ZNF469: variants seen among roughly 807,000 people sequenced by gnomAD.
The protein encoded by ZNF469 is zinc finger protein 469.
Under a neutral mutation model 1.0 loss-of-function variants are expected in ZNF469, and 1 was observed. The observed-to-expected ratio is 1.00, with a 90% CI of 0.35 to 4.73. ZNF469 has a LOEUF of 4.73. Among genes scored for constraint, ZNF469 ranks in the 30% most tolerant of loss-of-function variants. The probability of loss-of-function intolerance (pLI) is 0.16; values close to 1 mark genes in which losing one functional copy is unlikely to be tolerated. For synonymous variants in ZNF469, 2,703 were observed against 2,363.4 expected (o/e 1.14, Z -4.17); for missense variants, 6,100 against 5,356.3 (o/e 1.14, Z -4.33).
At chr16:88,178,143 A>G in the ZNF469 span, 3 of 152,278 alleles carry the variant, frequency 2.0e-5, no homozygotes, top group South Asian at 6.2e-4. Context: ...CAAACTGCTG[A>G]GAGCAGGCCA....
chr16:88,205,971 C>T, the ZNF469 span, among the ~76,000 whole-genome samples: 1 of 152,140 alleles, frequency 6.6e-6, no homozygotes, highest in Admixed American at 6.5e-5. This position sits in a 1 kb window ranked among gnomAD's most constrained non-coding sequence, Gnocchi z 4.2. Flanking sequence ...GGGGCCCAGC[C>T]CATGACAGGC....
At chr16:88,420,825 G>A (rs746142308) in intron 1 of ZNF469, among the ~76,000 whole-genome samples, 1 of 152,256 alleles carries the variant, frequency 6.6e-6, no homozygotes, top group Non-Finnish European at 1.5e-5. Context: ...AACGGGCTCA[G>A]AGAGGCTGGG....
At chr16:88,225,000 C>T in the ZNF469 span, among the ~76,000 whole-genome samples, 38 of 152,200 alleles carry the variant, frequency 2.5e-4, no homozygotes, top group African/African-American at 8.4e-4. Flanking sequence ...CCCTAACCTC[C>T]GCCTCTGACC....
the ZNF469 span, among the ~76,000 whole-genome samples, chr16:88,196,337 C>T: frequency 0.013 from 1,908 of 152,246 alleles, 33 homozygotes; most frequent in African/African-American, 0.043. Context: ...CTCTGAATGA[C>T]GTCTATGATT....
At chr16:88,137,839 C>G in the ZNF469 span, among the ~76,000 whole-genome samples, 1 of 152,190 alleles carries the variant, frequency 6.6e-6, no homozygotes, top group Admixed American at 6.5e-5. Context: ...ATGTGAGGTG[C>G]AGAGCCCTGG....
chr16:88,123,491 G>T, the ZNF469 span, among the ~76,000 whole-genome samples: 1 of 151,926 alleles, frequency 6.6e-6, no homozygotes, highest in African/African-American at 2.4e-5. Context: ...TTTTAATTTT[G>T]GGCTGTTGTT....
Position 88,438,711 on chromosome 16 carries a change from C to T in ZNF469, c.11241C>T (p.Gly3747=). 1.3e-6 allele frequency: 2 copies of T among 1,549,970 alleles called. No individual in the cohort carries two copies. The highest frequency in any genetic ancestry group is 1.2e-5 in the South Asian group (1 of 84,032). ...GCCCCGGCACCAAGACAGGAGGTGG[C>T]AGCCAGCCCCAGCCAGCCAGCGGGC... The part of the protein sequence containing the change: ...SPRPGTKTGG[G]SQPQPASGQL... The change falls in exon 3 of 3, where the codon GGC becomes GGT. Residue 3747 remains glycine, a synonymous_variant. Transcript: ENST00000565624.
chr16:88,334,351 G>T, the ZNF469 span, among the ~76,000 whole-genome samples: 13 of 152,226 alleles, frequency 8.5e-5, no homozygotes, highest in Non-Finnish European at 1.6e-4. Context: ...GGGACCAGAA[G>T]TGTTTTGGTT....
Position 88,435,244 on chromosome 16 carries a change from C to G in ZNF469, c.7774C>G (p.Pro2592Ala), listed in dbSNP as rs1301807412. The change falls in exon 3 of 3, where the codon CCC becomes GCC. Residue 2592 changes from proline to alanine, a missense_variant. Coordinates refer to ENST00000565624, the MANE Select transcript of ZNF469 (RefSeq NM_001367624.2). Reference sequence around the variant, plus strand: ...AGATGTGAAGACTCCGGCCTCCAAGCCCAGACCAGACCAGGCCAGGGAAGA... The same window carrying G: ...AGATGTGAAGACTCCGGCCTCCAAGGCCAGACCAGACCAGGCCAGGGAAGA... ...EVDVKTPASK[P>A]RPDQAREDEL... 4.5e-6 allele frequency: 7 copies of G among 1,550,242 alleles called. No homozygotes were observed. The African/African-American group carries it at 6.8e-5, about 15-fold the overall frequency.
the ZNF469 span, among the ~76,000 whole-genome samples, chr16:88,222,549 G>A: frequency 6.6e-6 from 1 of 152,176 alleles, no homozygotes; most frequent in Non-Finnish European, 1.5e-5. Flanking sequence ...CCTGAGGTTG[G>A]GAGTTTGAGT....
At chr16:88,418,044 G>T (rs1444359064) in intron 1 of ZNF469, among the ~76,000 whole-genome samples, 2 of 152,308 alleles carry the variant, frequency 1.3e-5, no homozygotes, top group African/African-American at 2.4e-5. Context: ...AGAGCCCCAG[G>T]TTCAAGGAGC....
At chr16:88,244,113 G>GTGGATGGATGGA in the ZNF469 span, among the ~76,000 whole-genome samples, 1 of 132,328 alleles carries the variant, frequency 7.6e-6, no homozygotes, top group African/African-American at 2.8e-5. Flanking sequence ...GGGTGGGTGG[G>GTGGATGGATGGA]TGGATGGATG....
At chr16:88,330,595 A>G in the ZNF469 span, among the ~76,000 whole-genome samples, 28 of 152,326 alleles carry the variant, frequency 1.8e-4, no homozygotes, top group East Asian at 5.4e-3. Context: ...CAGAGGGACT[A>G]AGAAAGAAGC....
chr16:88,360,539 C>G, the ZNF469 span, among the ~76,000 whole-genome samples: 1 of 129,700 alleles, frequency 7.7e-6, no homozygotes, highest in Non-Finnish European at 1.6e-5. Flanking sequence ...TGCATGCTCC[C>G]TCAAAGGCAG....
At chr16:88,279,816 G>A in the ZNF469 span, among the ~76,000 whole-genome samples, 2 of 147,926 alleles carry the variant, frequency 1.4e-5, no homozygotes, top group South Asian at 2.2e-4. Flanking sequence ...TCAGTACCTT[G>A]TAGATATCAG....
At chr16:88,113,070 G>A in the ZNF469 span, among the ~76,000 whole-genome samples, 170 of 152,244 alleles carry the variant, frequency 1.1e-3, no homozygotes, top group African/African-American at 3.2e-3. Context: ...GAGCCACCGC[G>A]CCTGGCCTGC....
chr16:88,281,174 C>T, the ZNF469 span, among the ~76,000 whole-genome samples: 4 of 131,238 alleles, frequency 3.0e-5, no homozygotes, highest in Non-Finnish European at 3.3e-5. Context: ...GTGCTGATGT[C>T]GGTGCACAGG....
the ZNF469 span, among the ~76,000 whole-genome samples, chr16:88,307,879 C>T: frequency 6.6e-6 from 1 of 152,140 alleles, no homozygotes; most frequent in South Asian, 2.1e-4. Context: ...GTCATTTGTG[C>T]TTTTGGTGTC....
the ZNF469 span, among the ~76,000 whole-genome samples, chr16:88,131,035 G>A: frequency 6.6e-6 from 1 of 152,254 alleles, no homozygotes; most frequent in East Asian, 1.9e-4. Flanking sequence ...ACGGCGGGCA[G>A]CGCGGCGTTC....
Sources: gnomAD v4.1 joint callset for allele counts (sites outside exome capture counted in the v4.1 genomes callset) on GRCh38, gnomAD v4.1.1 for gene constraint, Gnocchi (gnomAD v3.1) non-coding constraint, MANE v1.5 for transcripts, NCBI Gene and HGNC (gene_info 2026-07-23, HGNC 2026-07-21) for gene names.